The following NOL4L variants were observed in gnomAD, a reference collection of about 807,000 sequenced individuals.
NOL4L encodes nucleolar protein 4 like.
In NOL4L, 7 loss-of-function variants were observed where a neutral mutation model predicts 64.5. The observed-to-expected ratio is 0.11, with a 90% CI of 0.06 to 0.20. The LOEUF (loss-of-function observed/expected upper bound fraction) is 0.20. NOL4L is among the 10% of genes least tolerant of loss of function. NOL4L has a pLI of 1.00. For missense variants in NOL4L, 680 were observed against 967.1 expected (o/e 0.70, Z 3.94); for synonymous variants, 413 against 401.0 (o/e 1.03, Z -0.36).
At chr20:32,488,743 TTCTTTTCC>T (rs2016209271) in intron 4 of NOL4L, among the ~76,000 whole-genome samples, 1 of 149,888 alleles carries the variant, frequency 6.7e-6, no homozygotes, top group Admixed American at 6.7e-5. Flanking sequence ...TTTTCTTTCT[TTCTTTTCC>T]TTCCTTCCTT....
chr20:32,452,605 C>G (rs952336967), intron 9 of NOL4L, among the ~76,000 whole-genome samples, 168 bp from the exon 10 acceptor site: 2 of 152,286 alleles, frequency 1.3e-5, no homozygotes, highest in South Asian at 2.1e-4. Flanking sequence ...ACCTTCCCCC[C>G]GGGGGCTTTC....
chr20:32,484,709 G>A lies in NOL4L; in HGVS notation c.700-9967C>T, dbSNP rs80251557. 2.5e-3 allele frequency among the ~76,000 whole-genome samples: 374 copies of A among 152,184 alleles called. 3 individuals are homozygous for A. Among genetic ancestry groups the A allele is most frequent in the African/African-American group, 8.5e-3 (353 of 41,532 alleles). On this transcript the variant is annotated intron_variant, in intron 4 of 10. Transcript: ENST00000621426. ...GGGGACGTCGCTCCAGCCCAGACCC[G>A]GGCACGCACTGTCCGTGGAGACGGC...
chr20:32,561,825 A>G (rs948043263), intron 1 of NOL4L, among the ~76,000 whole-genome samples: 1 of 152,154 alleles, frequency 6.6e-6, no homozygotes. Context: ...TAATTCGTGT[A>G]AAGTACCTAG....
At chr20:32,531,669 G>T (rs1002479753) in intron 1 of NOL4L, among the ~76,000 whole-genome samples, 3 of 152,046 alleles carry the variant, frequency 2.0e-5, no homozygotes, top group African/African-American at 7.2e-5. Context: ...TATACCTCTT[G>T]AAAGTCAGTT....
chr20:32,549,495 G>A (rs1325717076), intron 1 of NOL4L, among the ~76,000 whole-genome samples: 1 of 152,208 alleles, frequency 6.6e-6, no homozygotes, highest in East Asian at 1.9e-4. Flanking sequence ...GCTCATGCCT[G>A]TGATCCTAGC....
intron 3 of NOL4L, among the ~76,000 whole-genome samples, chr20:32,514,209 C>A (rs770016417): frequency 6.6e-6 from 1 of 151,790 alleles, no homozygotes; most frequent in South Asian, 2.1e-4. Context: ...AAGTAGACGT[C>A]GGCTGGGTGT....
At chr20:32,499,334 G>A (rs556904878) in intron 4 of NOL4L, among the ~76,000 whole-genome samples, 1 of 152,324 alleles carries the variant, frequency 6.6e-6, no homozygotes, top group East Asian at 1.9e-4. Flanking sequence ...AGTGAACAAA[G>A]AGGCCTGGGA....
At chr20:32,524,864 G>A (rs1484453640) in intron 2 of NOL4L, among the ~76,000 whole-genome samples, 1 of 152,214 alleles carries the variant, frequency 6.6e-6, no homozygotes, top group Non-Finnish European at 1.5e-5. Flanking sequence ...AGGGTGGCAT[G>A]AGAAGGGTGA....
rs1277398365 is a variant in NOL4L at position 32,443,570 on chromosome 20, T to G, written c.*4026A>C. 1 of 152,336 alleles carries G rather than the reference T, an allele frequency of 6.6e-6. No homozygotes were observed. 9.4% of individuals were successfully genotyped at this position (152,336 alleles called of 1,614,324 possible). On this transcript the variant is annotated 3_prime_UTR_variant, in exon 11 of 11. Transcript: ENST00000621426. ...CGGAGGTGGGACCTCATGAAGGAGC[T>G]GCCCCCAGAGGAACCCTGAAGAAAT...
At chr20:32,466,753 G>A (rs1254435847) in intron 5 of NOL4L, among the ~76,000 whole-genome samples, 1 of 152,222 alleles carries the variant, frequency 6.6e-6, no homozygotes, top group Non-Finnish European at 1.5e-5. Flanking sequence ...GCCATAATGA[G>A]CAGGTGTTGG....
chr20:32,541,343 C>T lies in NOL4L; in HGVS notation c.322-13430G>A, dbSNP rs79299983. On this transcript the variant is annotated intron_variant, in intron 1 of 10. Transcript: ENST00000621426. ...GGCACTCTGAAGCTGGAGCTCACTT[C>T]TACATTATTGCCTTTCTCATGCTAC... Among the ~76,000 whole-genome samples, 819 of 152,332 alleles carry T rather than the reference C, an allele frequency of 5.4e-3. 18 individuals are homozygous for T. The East Asian group carries it at 0.072, about 13-fold the overall frequency.
intron 1 of NOL4L, among the ~76,000 whole-genome samples, chr20:32,558,775 T>G (rs967519199): frequency 1.6e-4 from 25 of 152,042 alleles, no homozygotes; most frequent in Non-Finnish European, 2.4e-4. Flanking sequence ...TAAGAGCCCC[T>G]GGGGAGCCCC....
intron 1 of NOL4L, among the ~76,000 whole-genome samples, chr20:32,528,717 A>C (rs2018234782): frequency 6.6e-6 from 1 of 152,236 alleles, no homozygotes; most frequent in Non-Finnish European, 1.5e-5. Flanking sequence ...GCTGGGGGTG[A>C]GGCCAGGGCC....
chr20:32,522,234 C>T (rs557784719), intron 2 of NOL4L, among the ~76,000 whole-genome samples: 4 of 152,308 alleles, frequency 2.6e-5, no homozygotes, highest in South Asian at 2.1e-4. Context: ...GCTGCAAATG[C>T]GAAGTTAATT....
chr20:32,459,491 C>A (rs1261407877), intron 5 of NOL4L, among the ~76,000 whole-genome samples: 1 of 150,844 alleles, frequency 6.6e-6, no homozygotes, highest in Non-Finnish European at 1.5e-5. Flanking sequence ...TCAAGCGATT[C>A]TCCTGCCTCA....
intron 4 of NOL4L, among the ~76,000 whole-genome samples, chr20:32,489,543 C>A (rs1312482979): frequency 6.6e-6 from 1 of 151,976 alleles, no homozygotes; most frequent in Admixed American, 6.5e-5. Context: ...TTAAATAACT[C>A]ATCTTTATCC....
chr20:32,468,760 G>A (rs551714185), intron 5 of NOL4L, among the ~76,000 whole-genome samples: 10 of 152,070 alleles, frequency 6.6e-5, no homozygotes, highest in East Asian at 3.9e-4. Flanking sequence ...TTAGCCAGGC[G>A]TGGTGGTGCA....
intron 3 of NOL4L, among the ~76,000 whole-genome samples, chr20:32,517,125 G>A (rs1430992964): frequency 2.0e-5 from 3 of 152,178 alleles, no homozygotes; most frequent in African/African-American, 7.2e-5. Flanking sequence ...TGGCACTGGG[G>A]GAGGGCACGG....
chr20:32,554,221 T>C (rs1273776523), intron 1 of NOL4L, among the ~76,000 whole-genome samples: 1 of 146,292 alleles, frequency 6.8e-6, no homozygotes, highest in African/African-American at 2.6e-5. Flanking sequence ...CTCGGGAGGC[T>C]GAGGCAGGAG....
Sources: allele counts gnomAD v4.1 joint callset (sites outside exome capture counted in the v4.1 genomes callset), GRCh38; gene constraint gnomAD v4.1.1; transcripts MANE v1.5; gene names NCBI Gene and HGNC (gene_info 2026-07-23, HGNC 2026-07-21).